CA14: variants seen among roughly 807,000 people sequenced by gnomAD.
The protein encoded by CA14 is carbonic anhydrase 14.
Under a neutral mutation model 48.8 loss-of-function variants are expected in CA14, and 44 were observed. That is an observed-to-expected ratio of 0.90 (90% CI 0.71 to 1.16). The LOEUF (loss-of-function observed/expected upper bound fraction) is 1.16, where lower values mean the gene tolerates loss of function less well. Ranked by LOEUF, CA14 falls within the 50% of genes most tolerant of loss-of-function variation. The pLI is 0.00. For synonymous variants in CA14, 154 were observed against 155.0 expected (o/e 0.99, Z 0.05); for missense variants, 386 against 401.0 (o/e 0.96, Z 0.32).
At chr1:150,262,390 T>C in intron 4 of CA14, 90 bp downstream of exon 4, 1 of 1,528,092 alleles carries the variant, frequency 6.5e-7, no homozygotes, top group Non-Finnish European at 8.9e-7. Flanking sequence ...AAAGTCATGC[T>C]GGGGGGATAA....
rs782621491 is a variant in CA14 at position 150,261,646 on chromosome 1, C to T, written c.256+8C>T. 67 of 1,612,486 alleles carry T rather than the reference C, an allele frequency of 4.2e-5. No individual in the cohort carries two copies. The highest frequency in any genetic ancestry group is 5.3e-5 in the Non-Finnish European group (63 of 1,179,092). On this transcript the variant is annotated splice_region_variant and intron_variant, in intron 3 of 10. Transcript: ENST00000369111. Reference sequence around the variant, plus strand: ...ACAACAATGGCCACACAGGTAAAAGCACAGGCTCCAAGGAGTTGTAGGCTC... The same window carrying T: ...ACAACAATGGCCACACAGGTAAAAGTACAGGCTCCAAGGAGTTGTAGGCTC...
chr1:150,263,431 C>T lies in CA14; in HGVS notation c.841+12C>T, dbSNP rs144552698. On this transcript the variant is annotated intron_variant, in intron 8 of 10. Transcript: ENST00000369111. ...TTCTTTCATCCAAGGTGATTCTGCACGGCTCAGAAGAGATGGGAAACTGAG... is the reference window on the plus strand; with the variant it reads ...TTCTTTCATCCAAGGTGATTCTGCATGGCTCAGAAGAGATGGGAAACTGAG... 7.1e-5 allele frequency: 114 copies of T among 1,613,668 alleles called. No homozygotes were observed. The African/African-American group carries it at 9.6e-4, about 14-fold the overall frequency.
intron 2 of CA14, 93 bp downstream of exon 2, chr1:150,260,264 C>T: frequency 8.1e-7 from 1 of 1,237,766 alleles, no homozygotes; most frequent in Admixed American, 1.7e-5. Flanking sequence ...AGGAGACTTC[C>T]TTTACCTTCT....
chr1:150,261,301 C>T, intron 2 of CA14, 158 bp from the exon 3 acceptor site: 1 of 629,208 alleles, frequency 1.6e-6, no homozygotes, highest in Non-Finnish European at 2.8e-6. Context: ...CTCACCCATC[C>T]CTATACAACT....
chr1:150,263,256 C>T, intron 7 of CA14, 43 bp from the exon 8 acceptor site: 6 of 1,613,712 alleles, frequency 3.7e-6, no homozygotes, highest in Non-Finnish European at 5.1e-6. Flanking sequence ...AGACCCCTTC[C>T]CACTCCCCAA....
chr1:150,263,969 T>A, intron 10 of CA14, 91 bp downstream of exon 10: 1 of 918,584 alleles, frequency 1.1e-6, no homozygotes, highest in Non-Finnish European at 1.7e-6. Context: ...TGTTACTCAG[T>A]CTGGAGTGCA....
chr1:150,262,326 TCAGA>T (rs781965738), intron 4 of CA14, 26 bp downstream of exon 4: 11 of 1,578,320 alleles, frequency 7.0e-6, no homozygotes, highest in Admixed American at 1.8e-5. Context: ...GAGCTGGGAC[TCAGA>T]CAAAGTAACA....
At position 150,262,235 on chromosome 1, in the gene CA14, TGGGGTCAGAAAGGATCCCCAGG is replaced by T. The variant is rs782252703; in HGVS notation, c.345_366del (p.Lys115AsnfsTer26). 9.9e-6 allele frequency: 16 copies of T among 1,613,700 alleles called. No homozygotes were observed. The highest frequency in any genetic ancestry group is 1.3e-5 in the Non-Finnish European group (15 of 1,179,820). On this transcript the variant is annotated frameshift_variant, in exon 4 of 11. Transcript: ENST00000369111. LOFTEE classifies it high-confidence loss of function. ...TGTAGCTGCCCAGCTCCACCTGCAC[TGGGGTCAGAAAGGATCCCCAGG>T]GGGGTCAGAACACCAGATCAACAGT...
At chr1:150,264,500 G>A in intron 10 of CA14, 93 bp from the exon 11 acceptor site, 2 of 763,838 alleles carry the variant, frequency 2.6e-6, no homozygotes, top group South Asian at 3.2e-5. Context: ...ACCTTGCCCA[G>A]CCCTCTTTTC....
chr1:150,260,545 C>T, intron 2 of CA14: 1 of 367,788 alleles, frequency 2.7e-6, no homozygotes, highest in Non-Finnish European at 5.2e-6. Context: ...AGCTGGAGGT[C>T]AGGGGTGAGG....
chr1:150,260,101 G>T, intron 1 of CA14, 50 bp from the exon 2 acceptor site: 2 of 1,604,960 alleles, frequency 1.2e-6, no homozygotes, highest in Non-Finnish European at 1.7e-6. Context: ...GGAGGCCAGG[G>T]TTCTGCCCCA....
rs200455412 is a variant in CA14 at position 150,263,715 on chromosome 1, G to A, written c.862+36G>A. 4.3e-6 allele frequency: 7 copies of A among 1,613,162 alleles called. No homozygotes were observed. The African/African-American group carries it at 8.0e-5, about 18-fold the overall frequency. ...CTTATAAGATAATGCGGGGAGGGGA[G>A]GTGTCCTCACCGAGTGGGGGAAAGG... On this transcript the variant is annotated intron_variant, in intron 9 of 10. Transcript: ENST00000369111.
intron 2 of CA14, 132 bp downstream of exon 2, chr1:150,260,303 T>G: frequency 2.3e-6 from 2 of 862,318 alleles, no homozygotes; most frequent in Non-Finnish European, 3.9e-6. Flanking sequence ...CTGGATCTCC[T>G]CCTGCCTTGA....
At position 150,263,806 on chromosome 1, in the gene CA14, G is replaced by C. The variant is rs929744680; in HGVS notation, c.875G>C (p.Ser292Thr). The stretch of plus-strand genomic sequence containing the variant: ...TTATCTCCCCCAGGTGAAATGCTGA[G>C]TCTAGGTGTAGGAATCTTGGTTGGC... The part of the protein sequence containing the change: ...GSSYTTGEML[S>T]LGVGILVGCL... The change falls in exon 10 of 11, where the codon AGT (serine) becomes ACT (threonine). Residue 292 changes from serine to threonine, a missense_variant. Physicochemically the swap from Ser to Thr is moderately conservative, Grantham distance 58 (BLOSUM62 1). Coordinates refer to ENST00000369111, the MANE Select transcript of CA14 (RefSeq NM_012113.3). 3.1e-6 allele frequency: 5 copies of C among 1,613,942 alleles called. No individual in the cohort carries two copies. In the Admixed American group the frequency reaches 8.3e-5, roughly 27 times the overall value.
At position 150,263,853 on chromosome 1, in the gene CA14, G is replaced by A. The variant is rs192272188; in HGVS notation, c.922G>A (p.Val308Ile). Residue 308 changes from valine (V) to isoleucine (I), a missense_variant, in exon 10 of 11, where the codon GTT becomes ATT. Val to Ile is a conservative substitution (Grantham distance 29, BLOSUM62 3). Transcript: ENST00000369111. ...TGGCTGTCTCTGCCTTCTCCTGGCT[G>A]TTTATTTCATTGCTAGAAAGATTCG... ...LVGCLCLLLA[V>I]YFIARKIRKK... 1.6e-4 allele frequency: 250 copies of A among 1,609,794 alleles called. 5 individuals are homozygous for A. The Admixed American group carries it at 4.1e-3, about 26-fold the overall frequency.
chr1:150,263,111 G>T lies in CA14; in HGVS notation c.632G>T (p.Arg211Leu). 1 of 1,614,080 alleles carries T rather than the reference G, an allele frequency of 6.2e-7. No individual in the cohort carries two copies. Among genetic ancestry groups the T allele is most frequent in the Non-Finnish European group, 8.5e-7 (1 of 1,180,002 alleles). ...LLPKQLGQYF[R>L]YNGSLTTPPC... ...CCCAAACAGCTGGGGCAGTACTTCC[G>T]CTACAATGGCTCGCTCACAACTCCC... Residue 211 changes from arginine to leucine, a missense_variant, in exon 7 of 11, where the codon CGC becomes CTC. Coordinates refer to ENST00000369111, the MANE Select transcript of CA14 (RefSeq NM_012113.3).
chr1:150,263,134 C>T lies in CA14; in HGVS notation c.655C>T (p.Pro219Ser). 1 of 1,614,116 alleles carries T rather than the reference C, an allele frequency of 6.2e-7. No individual in the cohort carries two copies. The highest frequency in any genetic ancestry group is 1.1e-5 in the South Asian group (1 of 91,086). The change falls in exon 7 of 11, where the codon CCC becomes TCC. Residue 219 changes from proline (P) to serine (S), a missense_variant. Pro to Ser is a moderately conservative substitution (Grantham distance 74, BLOSUM62 -1). Transcript: ENST00000369111. ...YFRYNGSLTTPPCYQSVLWTV... is the reference protein window; with the variant it reads ...YFRYNGSLTTSPCYQSVLWTV... ...CCGCTACAATGGCTCGCTCACAACTCCCCCTTGCTACCAGAGTGTGCTCTG... is the reference window on the plus strand; with the variant it reads ...CCGCTACAATGGCTCGCTCACAACTTCCCCTTGCTACCAGAGTGTGCTCTG...
intron 2 of CA14, 71 bp downstream of exon 2, chr1:150,260,242 T>C (rs1650893024): frequency 6.8e-7 from 1 of 1,480,052 alleles, no homozygotes; most frequent in Non-Finnish European, 9.4e-7. Flanking sequence ...GAAGACACAC[T>C]GTGCGGGTGG....
chr1:150,262,633 C>T lies in CA14; in HGVS notation c.495+13C>T. On this transcript the variant is annotated intron_variant, in intron 5 of 10. Transcript: ENST00000369111. Reference sequence around the variant, plus strand: ...CATCCTAATTGAGGTCAGTAGCCCCCAGTCCCTTCCAGGTTTCTCTCCACT... The same window carrying T: ...CATCCTAATTGAGGTCAGTAGCCCCTAGTCCCTTCCAGGTTTCTCTCCACT... The T allele has an allele frequency of 1.3e-6, 2 of 1,591,530 alleles. No homozygotes were observed. The highest frequency in any genetic ancestry group is 1.7e-6 in the Non-Finnish European group (2 of 1,159,368).
Sources: gnomAD v4.1 joint callset for allele counts on GRCh38, gnomAD v4.1.1 for gene constraint, MANE v1.5 for transcripts, NCBI Gene and HGNC (gene_info 2026-07-23, HGNC 2026-07-21) for gene names.